TCERG1L: variants seen among roughly 807,000 people sequenced by gnomAD.
TCERG1L encodes the protein transcription elongation regulator 1-like protein.
Under a neutral mutation model 56.3 loss-of-function variants are expected in TCERG1L, and 37 were observed. The observed-to-expected ratio is 0.66, with a 90% confidence interval of 0.51 to 0.87. TCERG1L has a LOEUF of 0.87. Ranked by LOEUF, TCERG1L falls within the 40% of genes least tolerant of loss-of-function variation. TCERG1L has a pLI of 0.00. For missense variants in TCERG1L, 799 were observed against 774.2 expected (o/e 1.03, Z -0.38); for synonymous variants, 324 against 326.3 (o/e 0.99, Z 0.08).
intron 6 of TCERG1L, among the ~76,000 whole-genome samples, chr10:131,154,820 G>A (rs1013667475): frequency 2.0e-5 from 3 of 152,260 alleles, no homozygotes; most frequent in African/African-American, 4.8e-5. Context: ...ACAAGGACAC[G>A]AGCGTGCAAC....
chr10:131,279,211 C>T (rs1221048535), intron 3 of TCERG1L, among the ~76,000 whole-genome samples: 2 of 152,088 alleles, frequency 1.3e-5, no homozygotes, highest in Admixed American at 6.6e-5. Context: ...CAGTCATTTT[C>T]CTTTCAATTC....
intron 4 of TCERG1L, among the ~76,000 whole-genome samples, chr10:131,223,021 C>G (rs1474559404): frequency 1.3e-5 from 2 of 152,194 alleles, no homozygotes; most frequent in African/African-American, 4.8e-5. Flanking sequence ...GGTGACTTTT[C>G]CCTTCCCTGG....
At chr10:131,249,599 T>A (rs1488888112) in intron 4 of TCERG1L, among the ~76,000 whole-genome samples, 2 of 152,256 alleles carry the variant, frequency 1.3e-5, no homozygotes, top group Non-Finnish European at 2.9e-5. Context: ...GTAATTATCA[T>A]AAATTTTGTT....
intron 3 of TCERG1L, among the ~76,000 whole-genome samples, chr10:131,283,561 A>G (rs1846487492): frequency 6.6e-6 from 1 of 152,212 alleles, no homozygotes; most frequent in African/African-American, 2.4e-5. Flanking sequence ...ATTTGGACCC[A>G]CAAAAATTAG....
intron 3 of TCERG1L, among the ~76,000 whole-genome samples, chr10:131,307,867 C>T (rs1334884479): frequency 6.6e-6 from 1 of 152,064 alleles, no homozygotes; most frequent in African/African-American, 2.4e-5. Context: ...AGAGAGGCAA[C>T]ATTTTTTAAA....
Position 131,163,192 on chromosome 10 carries a change from C to A in TCERG1L, c.964G>T (p.Gly322Trp), listed in dbSNP as rs148112736. The A allele has an allele frequency of 2.6e-6, 4 of 1,557,144 alleles. No individual in the cohort carries two copies. The highest frequency in any genetic ancestry group is 2.7e-5 in the African/African-American group (2 of 73,460). Residue 322 changes from glycine to tryptophan, a missense_variant, in exon 6 of 12, where the codon GGG becomes TGG. By Grantham distance (184) the Gly-to-Trp change is radical. Coordinates refer to ENST00000368642, the MANE Select transcript of TCERG1L (RefSeq NM_174937.4). The stretch of plus-strand genomic sequence containing the variant: ...CTGGCTGTGCTGTCCTCTCCTCCCC[C>A]CAGCATCGGTGGAGGCTCCTTTCAA... ...KEDKEPPPML[G>W]GGEDSTARGN...
chr10:131,275,817 G>C (rs570937987), intron 3 of TCERG1L, among the ~76,000 whole-genome samples: 2 of 152,326 alleles, frequency 1.3e-5, no homozygotes, highest in East Asian at 1.9e-4. Context: ...CCCTGTGCCA[G>C]CATCAGCTGG....
chr10:131,168,308 A>G (rs2133437632), intron 4 of TCERG1L, among the ~76,000 whole-genome samples: 2 of 152,186 alleles, frequency 1.3e-5, no homozygotes, highest in Middle Eastern at 6.8e-3. Flanking sequence ...TCCTTGCCCC[A>G]CTGCAAACTG....
At chr10:131,285,528 G>GGA (rs1554899544) in intron 3 of TCERG1L, among the ~76,000 whole-genome samples, 1 of 14,394 alleles carries the variant, frequency 6.9e-5, no homozygotes, top group Non-Finnish European at 1.5e-4. Context: ...AAGAAAGAGA[G>GGA]AAAGAAAAGA....
chr10:131,186,007 G>A (rs935777218), intron 4 of TCERG1L, among the ~76,000 whole-genome samples: 2 of 152,228 alleles, frequency 1.3e-5, no homozygotes, highest in Non-Finnish European at 2.9e-5. Context: ...CTATCCAAGC[G>A]ACGGAACATT....
intron 4 of TCERG1L, among the ~76,000 whole-genome samples, chr10:131,207,422 C>G (rs1369034583): frequency 2.0e-5 from 3 of 152,224 alleles, no homozygotes. Context: ...GGGCAGAGTT[C>G]AAGTTCACTG....
Position 131,163,233 on chromosome 10 carries a change from G to A in TCERG1L, c.946-23C>T, listed in dbSNP as rs199863432. The A allele has an allele frequency of 3.5e-3, 5,228 of 1,486,876 alleles. 15 individuals carry two copies. Among genetic ancestry groups the A allele is most frequent in the Middle Eastern group, 5.3e-3 (30 of 5,678 alleles). The allele number at this position is 1,486,876 out of a possible 1,614,324, so 92.1% of individuals were successfully genotyped here. A position where few individuals can be genotyped will look rare whatever the true frequency, so the allele number is the denominator to read the frequency against. The stretch of plus-strand genomic sequence containing the variant: ...CTCCTTTCAACAGAAAGAGACAGGG[G>A]AGTGGCTTTTAATTTTAAACACTCA... On this transcript the variant is annotated intron_variant, in intron 5 of 11. Coordinates refer to ENST00000368642, the MANE Select transcript of TCERG1L (RefSeq NM_174937.4).
intron 3 of TCERG1L, among the ~76,000 whole-genome samples, 154 bp downstream of exon 3, chr10:131,308,057 T>G (rs1564838208): frequency 1.3e-5 from 2 of 152,240 alleles, no homozygotes; most frequent in African/African-American, 2.4e-5. Flanking sequence ...CAAGACTAGT[T>G]TTTTTTAAAA....
At chr10:131,225,970 C>T (rs987352992) in intron 4 of TCERG1L, among the ~76,000 whole-genome samples, 3 of 152,176 alleles carry the variant, frequency 2.0e-5, no homozygotes, top group African/African-American at 4.8e-5. Context: ...CAGGGTCTCA[C>T]GCTGTCATCC....
intron 5 of TCERG1L, among the ~76,000 whole-genome samples, chr10:131,163,689 G>A (rs972375368): frequency 5.3e-5 from 8 of 152,116 alleles, no homozygotes; most frequent in African/African-American, 1.4e-4. Context: ...CCTCAATAAC[G>A]ACTCTGCCAC....
intron 8 of TCERG1L, among the ~76,000 whole-genome samples, chr10:131,128,782 G>T (rs1420988904): frequency 1.3e-5 from 2 of 152,146 alleles, no homozygotes; most frequent in Non-Finnish European, 2.9e-5. Flanking sequence ...GGAAGTCGTA[G>T]ATCAAGATAG....
intron 3 of TCERG1L, among the ~76,000 whole-genome samples, chr10:131,282,084 G>A (rs2918111): frequency 2.0e-5 from 3 of 148,792 alleles, no homozygotes; most frequent in South Asian, 2.1e-4. Flanking sequence ...TGCAGTGAGC[G>A]GAGATCACGC....
intron 3 of TCERG1L, among the ~76,000 whole-genome samples, chr10:131,303,658 C>T (rs927387666): frequency 2.6e-5 from 4 of 152,048 alleles, no homozygotes; most frequent in Non-Finnish European, 4.4e-5. Flanking sequence ...CCCACTGTTA[C>T]GATCTGATTT....
intron 4 of TCERG1L, among the ~76,000 whole-genome samples, chr10:131,246,423 G>C (rs907974876): frequency 3.3e-5 from 5 of 152,130 alleles, no homozygotes; most frequent in Non-Finnish European, 7.4e-5. Context: ...GGCCAGGGTG[G>C]GACCCAGTGA....
Sources: allele counts gnomAD v4.1 joint callset (sites outside exome capture counted in the v4.1 genomes callset), GRCh38; gene constraint gnomAD v4.1.1; transcripts MANE v1.5; gene names NCBI Gene and HGNC (gene_info 2026-07-23, HGNC 2026-07-21).